TMEM272: variants seen among roughly 807,000 people sequenced by gnomAD.
TMEM272 encodes the protein long intergenic non-protein coding RNA 282.
A neutral mutation model predicts 3.7 loss-of-function variants in TMEM272; 8 were observed. The ratio of observed to expected loss-of-function variants is 2.17; its 90% CI spans 1.27 to 3.91. TMEM272 has a LOEUF of 3.91. Among genes scored for constraint, TMEM272 ranks in the 30% most tolerant of loss-of-function variants. TMEM272 has a pLI of 0.00. For synonymous variants in TMEM272, 63 were observed against 39.8 expected, an observed-to-expected ratio of 1.58 and a Z score of -2.20; for missense variants, 166 against 91.5, an observed-to-expected ratio of 1.81 and a Z score of -3.32.
the TMEM272 span, among the ~76,000 whole-genome samples, chr13:51,916,170 T>G: frequency 6.6e-6 from 1 of 152,054 alleles, no homozygotes; most frequent in Admixed American, 6.6e-5. Context: ...CAATTACAAG[T>G]GAAATATTAA....
chr13:51,919,101 C>G, the TMEM272 span, among the ~76,000 whole-genome samples: 1 of 152,166 alleles, frequency 6.6e-6, no homozygotes, highest in Non-Finnish European at 1.5e-5. Context: ...TTGCTCGCCT[C>G]TGTGTGAAGT....
At chr13:51,836,538 G>T (rs1339441220) in intron 2 of TMEM272, among the ~76,000 whole-genome samples, 1 of 152,172 alleles carries the variant, frequency 6.6e-6, no homozygotes. Context: ...TTTGGACAAA[G>T]GCTGTGCATT....
At chr13:51,898,234 TAAATA>T in the TMEM272 span, among the ~76,000 whole-genome samples, 3 of 150,780 alleles carry the variant, frequency 2.0e-5, no homozygotes, top group African/African-American at 7.3e-5. Context: ...AATAAATAAA[TAAATA>T]AAATAAAATA....
the TMEM272 span, among the ~76,000 whole-genome samples, chr13:51,914,428 T>C: frequency 2.0e-5 from 3 of 152,232 alleles, no homozygotes; most frequent in Non-Finnish European, 4.4e-5. Context: ...AGTGTTCTCC[T>C]GCTCACCTTG....
chr13:51,849,029 G>A (rs1297091790), upstream of TMEM272, among the ~76,000 whole-genome samples: 2 of 152,046 alleles, frequency 1.3e-5, no homozygotes, highest in Non-Finnish European at 2.9e-5. Context: ...CCCTCACTTC[G>A]ACTTCTACCT....
At chr13:51,866,316 G>C in the TMEM272 span, 4 of 443,222 alleles carry the variant, frequency 9.0e-6, no homozygotes, top group African/African-American at 8.0e-5. Flanking sequence ...CACAGAGATC[G>C]GTCCCAGGCA....
At chr13:51,866,065 C>T in the TMEM272 span, 5 of 1,581,106 alleles carry the variant, frequency 3.2e-6, no homozygotes, top group Admixed American at 5.6e-5. Flanking sequence ...TGGCCTTCTC[C>T]CGAGGCAGGG....
chr13:51,825,685 A>G lies in TMEM272; in HGVS notation c.118+881T>C, dbSNP rs1252515619. On this transcript the variant is annotated intron_variant, in intron 3 of 4. Transcript: ENST00000629372. ...GTCTCAGTCCTGTTGCCCAGGCTGGAGGTATAGTGGCACGATCATCCCACC... is the reference window on the plus strand; with the variant it reads ...GTCTCAGTCCTGTTGCCCAGGCTGGGGGTATAGTGGCACGATCATCCCACC... Among the ~76,000 whole-genome samples the G allele has an allele frequency of 2.1e-5, 3 of 143,100 alleles. No homozygotes were observed. The Admixed American group carries it at 2.1e-4, about 10-fold the overall frequency. The allele number at this position is 143,100 out of a possible 152,430, so 93.9% of individuals were successfully genotyped here.
chr13:51,909,281 T>G, the TMEM272 span: 3 of 1,032,182 alleles, frequency 2.9e-6, no homozygotes, highest in Non-Finnish European at 4.5e-6. Flanking sequence ...TAATCTTCCC[T>G]TGATAAAAAA....
chr13:51,827,009 T>G (rs141836034), intron 2 of TMEM272, among the ~76,000 whole-genome samples: 1 of 152,232 alleles, frequency 6.6e-6, no homozygotes, highest in Non-Finnish European at 1.5e-5. Context: ...GTGCCTGTAC[T>G]CAGGGCAGAT....
chr13:51,898,476 A>G, the TMEM272 span, among the ~76,000 whole-genome samples: 1 of 151,922 alleles, frequency 6.6e-6, no homozygotes, highest in Non-Finnish European at 1.5e-5. Flanking sequence ...CAACTGACTT[A>G]TGGTGTGATG....
intron 1 of TMEM272, among the ~76,000 whole-genome samples, chr13:51,840,889 G>A (rs757354836): frequency 1.8e-4 from 27 of 152,276 alleles, no homozygotes; most frequent in Non-Finnish European, 2.8e-4. Context: ...CCTTTGACTC[G>A]GGATTCTACC....
At chr13:51,908,158 T>A in the TMEM272 span, 2 of 581,294 alleles carry the variant, frequency 3.4e-6, no homozygotes, top group Non-Finnish European at 6.4e-6. Context: ...CAGCAGTTAC[T>A]TCAACTGAAA....
At chr13:51,887,888 T>C in the TMEM272 span, among the ~76,000 whole-genome samples, 6 of 152,234 alleles carry the variant, frequency 3.9e-5, no homozygotes, top group Non-Finnish European at 7.3e-5. Flanking sequence ...CTCTGCCTTA[T>C]GCCTACCTCC....
Position 51,814,550 on chromosome 13 carries a change from GA to G in TMEM272, c.*2200del, listed in dbSNP as rs1177790697. 6 of 152,354 alleles carry G rather than the reference GA, an allele frequency of 3.9e-5. No individual in the cohort carries two copies. The highest frequency in any genetic ancestry group is 1.4e-4 in the African/African-American group (6 of 41,570). The allele number at this position is 152,354 out of a possible 1,614,324, so 9.4% of individuals were successfully genotyped here. A position where few individuals can be genotyped will look rare whatever the true frequency, so the allele number is the denominator to read the frequency against. On this transcript the variant is annotated 3_prime_UTR_variant, in exon 5 of 5. Coordinates refer to ENST00000629372, the MANE Select transcript of TMEM272 (RefSeq NM_001351003.2). ...TAGCTCACTGTAACCTCAAACCAGG[GA>G]AGATGTATGACCTATACAAAGAGAT...
At chr13:51,838,127 G>C (rs1777921620) in intron 2 of TMEM272, among the ~76,000 whole-genome samples, 1 of 152,206 alleles carries the variant, frequency 6.6e-6, no homozygotes, top group Non-Finnish European at 1.5e-5. Context: ...GTAAGGGAAA[G>C]CTACCCAGGT....
At chr13:51,887,222 G>A in the TMEM272 span, among the ~76,000 whole-genome samples, 2 of 152,176 alleles carry the variant, frequency 1.3e-5, no homozygotes, top group African/African-American at 4.8e-5. Flanking sequence ...TCATTTGAAT[G>A]CCTTCACCAA....
chr13:51,876,850 G>C, the TMEM272 span, among the ~76,000 whole-genome samples: 5 of 152,206 alleles, frequency 3.3e-5, no homozygotes, highest in Non-Finnish European at 7.3e-5. Context: ...TGTTTGAAGA[G>C]TACTTTGTTG....
At chr13:51,855,980 G>A in the TMEM272 span, among the ~76,000 whole-genome samples, 60 of 152,284 alleles carry the variant, frequency 3.9e-4, no homozygotes, top group African/African-American at 1.4e-3. Flanking sequence ...CCACAGCATT[G>A]CAGTAAATAG....
Sources: allele counts gnomAD v4.1 joint callset (sites outside exome capture counted in the v4.1 genomes callset), GRCh38; gene constraint gnomAD v4.1.1; transcripts MANE v1.5; gene names NCBI Gene and HGNC (gene_info 2026-07-23, HGNC 2026-07-21).